The following FBN1 variants were observed in gnomAD, a reference collection of about 807,000 sequenced individuals.
The protein encoded by FBN1 is fibrillin 1, also known as fibrillin-1.
A neutral mutation model predicts 365.1 loss-of-function variants in FBN1; 29 were observed. The ratio of observed to expected loss-of-function variants is 0.08; its 90% CI spans 0.06 to 0.11. FBN1 has a LOEUF of 0.11. Among genes scored for constraint, FBN1 ranks in the 10% least tolerant of loss-of-function variants. The pLI, the probability that FBN1 is intolerant of heterozygous loss-of-function variation, is 1.00. For missense variants in FBN1, 2,476 were observed against 3,703.2 expected, an observed-to-expected ratio of 0.67 and a Z score of 8.60; for synonymous variants, 1,210 against 1,270.5, an observed-to-expected ratio of 0.95 and a Z score of 1.01.
Position 48,428,373 on chromosome 15 carries a change from C to T in FBN1, c.6970G>A (p.Ala2324Thr), listed in dbSNP as rs148831709. ...YTCECNDGFT[A>T]SPNQDECLDN... ...AGGCACTCGTCCTGGTTGGGGCTGG[C>T]GGTAAACCCATCATTACACTCACAG... The change falls in exon 57 of 66, where the codon GCC becomes ACC. Residue 2324 changes from alanine (A) to threonine (T), a missense_variant. By Grantham distance (58) the Ala-to-Thr change is moderately conservative. This residue lies in a region of FBN1 where 1,780 missense variants were observed against 2,840.8 expected (regional missense o/e 0.63). Transcript: ENST00000316623. 3.1e-6 allele frequency: 5 copies of T among 1,614,086 alleles called. No homozygotes were observed. Among genetic ancestry groups the T allele is most frequent in the African/African-American group, 2.7e-5 (2 of 75,032 alleles).
rs766502715 is a variant in FBN1, at chr15:48,412,510, G to T, written c.8226+59C>A. ...TGGAGCATCCTTGGAGGAAACCACAGGAATCTGGAAGGGCTTTCCACCACA... is the reference window on the plus strand; with the variant it reads ...TGGAGCATCCTTGGAGGAAACCACATGAATCTGGAAGGGCTTTCCACCACA... On this transcript the variant is annotated intron_variant, in intron 65 of 65. Transcript: ENST00000316623. 3.8e-6 allele frequency: 6 copies of T among 1,579,160 alleles called. No individual in the cohort carries two copies. In the Admixed American group the frequency reaches 5.0e-5, roughly 13 times the overall value.
chr15:48,508,507 A>T (rs2043729858), intron 15 of FBN1, 75 bp downstream of exon 15: 1 of 1,596,254 alleles, frequency 6.3e-7, no homozygotes, highest in Admixed American at 1.7e-5. Context: ...CAGTAAAGAA[A>T]GGTAGTACCT....
intron 46 of FBN1, among the ~76,000 whole-genome samples, chr15:48,447,372 T>C (rs1187315965): frequency 6.6e-6 from 1 of 152,200 alleles, no homozygotes; most frequent in Non-Finnish European, 1.5e-5. Flanking sequence ...CCACCAATGA[T>C]GACTTCTCTC....
chr15:48,480,140 T>C (rs1464535803), intron 32 of FBN1, among the ~76,000 whole-genome samples: 2 of 152,196 alleles, frequency 1.3e-5, no homozygotes, highest in Non-Finnish European at 2.9e-5. Flanking sequence ...ATTTGGAGCA[T>C]TGAATTCTAG....
intron 8 of FBN1, among the ~76,000 whole-genome samples, chr15:48,527,473 G>A (rs529918894): frequency 3.8e-4 from 58 of 152,318 alleles, no homozygotes; most frequent in Non-Finnish European, 5.0e-4. Context: ...CTGACCTTGG[G>A]AAAGGAGACA....
At position 48,409,581 on chromosome 15, in the gene FBN1, A is replaced by G. The variant is rs561772776; in HGVS notation, c.*1409T>C. The G allele has an allele frequency of 6.6e-6, 1 of 152,282 alleles. No homozygotes were observed. Among genetic ancestry groups the G allele is most frequent in the African/African-American group, 2.4e-5 (1 of 41,550 alleles). The allele number at this position is 152,282 out of a possible 1,614,324, so 9.4% of individuals were successfully genotyped here. Reference sequence around the variant, plus strand: ...ACTTTAAAAATTATGACATTAAGAAACCAAAAGTTACAGCAATTGGATACA... The same window carrying G: ...ACTTTAAAAATTATGACATTAAGAAGCCAAAAGTTACAGCAATTGGATACA... On this transcript the variant is annotated 3_prime_UTR_variant, in exon 66 of 66. Coordinates refer to ENST00000316623, the MANE Select transcript of FBN1 (RefSeq NM_000138.5).
chr15:48,530,954 T>C (rs1247151258), intron 8 of FBN1, among the ~76,000 whole-genome samples: 1 of 152,212 alleles, frequency 6.6e-6, no homozygotes, highest in Admixed American at 6.5e-5. Flanking sequence ...TAAAACTTAA[T>C]CCCTTAATTA....
At chr15:48,624,862 C>T (rs140907552) in intron 2 of FBN1, among the ~76,000 whole-genome samples, 264 of 152,338 alleles carry the variant, frequency 1.7e-3, no homozygotes, top group African/African-American at 6.1e-3. Flanking sequence ...GAGGCGGAGC[C>T]GGGGGTGGAG....
chr15:48,447,590 A>G (rs542790715), intron 46 of FBN1, among the ~76,000 whole-genome samples: 27 of 152,180 alleles, frequency 1.8e-4, no homozygotes, highest in Admixed American at 1.3e-4. Flanking sequence ...AGGAAGTAAT[A>G]AAAAATTTAA....
At chr15:48,484,632 C>G (rs898993018) in intron 30 of FBN1, among the ~76,000 whole-genome samples, 2 of 152,140 alleles carry the variant, frequency 1.3e-5, no homozygotes, top group African/African-American at 4.8e-5. Flanking sequence ...CAGCCTCCCA[C>G]AGTGCTGGGA....
At chr15:48,494,294 G>C in intron 22 of FBN1, 40 bp from the exon 23 acceptor site, 1 of 1,507,756 alleles carries the variant, frequency 6.6e-7, no homozygotes, top group Non-Finnish European at 9.2e-7. Flanking sequence ...AAACAAATTT[G>C]AGATAACAAT....
chr15:48,582,587 G>A (rs1342791431), intron 6 of FBN1, among the ~76,000 whole-genome samples: 4 of 152,154 alleles, frequency 2.6e-5, no homozygotes, highest in Non-Finnish European at 4.4e-5. Context: ...TGGTGGCCAC[G>A]ACTTGTCCAA....
At chr15:48,477,932 A>G (rs1475119883) in intron 32 of FBN1, among the ~76,000 whole-genome samples, 2 of 152,204 alleles carry the variant, frequency 1.3e-5, no homozygotes, top group African/African-American at 4.8e-5. Context: ...CCCTGCTCAC[A>G]GGCTCTGGGT....
chr15:48,610,813 A>C lies in FBN1; in HGVS notation c.261T>G (p.His87Gln). The change falls in exon 4 of 66, where the codon CAT (histidine) becomes CAG (glutamine). Residue 87 changes from histidine to glutamine, a missense_variant. His to Gln is a conservative substitution (Grantham distance 24, BLOSUM62 0). Coordinates refer to ENST00000316623, the MANE Select transcript of FBN1 (RefSeq NM_000138.5). ...TCGAACAAAATCCATCCCCACAGGA[A>C]TGCCGGCAAATGGCTGTGAATAAAC... ...GNQCIVPICR[H>Q]SCGDGFCSRP... 1 of 1,613,920 alleles carries C rather than the reference A, an allele frequency of 6.2e-7. No individual in the cohort carries two copies.
chr15:48,490,164 G>T, intron 24 of FBN1, 86 bp from the exon 25 acceptor site: 1 of 1,106,736 alleles, frequency 9.0e-7, no homozygotes, highest in South Asian at 1.3e-5. Flanking sequence ...GTAAAATACT[G>T]CACACATAAT....
intron 6 of FBN1, among the ~76,000 whole-genome samples, chr15:48,579,022 AAAAAAG>A (rs2044371232): frequency 6.9e-6 from 1 of 144,096 alleles, no homozygotes; most frequent in African/African-American, 2.9e-5. Flanking sequence ...AAATAAAAAT[AAAAAAG>A]GGGAAAAAAA....
chr15:48,627,381 T>A, intron 2 of FBN1, among the ~76,000 whole-genome samples: 1 of 152,208 alleles, frequency 6.6e-6, no homozygotes, highest in Non-Finnish European at 1.5e-5. Context: ...GTAAAAACAT[T>A]AGTCAGCTCT....
At chr15:48,418,683 G>C (rs1297851404) in intron 63 of FBN1, among the ~76,000 whole-genome samples, 1 of 152,130 alleles carries the variant, frequency 6.6e-6, no homozygotes, top group Non-Finnish European at 1.5e-5. Context: ...TTGGTACTTA[G>C]ATTGGTGAGG....
chr15:48,441,948 ACT>A lies in FBN1; in HGVS notation c.6038-104_6038-103del. On this transcript the variant is annotated intron_variant, in intron 49 of 65. Transcript: ENST00000316623. ...ACACAAAGGGCAACTGAGTTTCCAA[ACT>A]CTTACAATAATAAAGGTATTTTTCT... 3 of 1,235,864 alleles carry A rather than the reference ACT, an allele frequency of 2.4e-6. No individual in the cohort carries two copies. The South Asian group carries it at 3.6e-5, about 15-fold the overall frequency. The allele number at this position is 1,235,864 out of a possible 1,614,324, so 76.6% of individuals were successfully genotyped here.
Sources: allele counts gnomAD v4.1 joint callset (sites outside exome capture counted in the v4.1 genomes callset), GRCh38; gene constraint gnomAD v4.1.1; regional missense constraint gnomAD v4.1.1; transcripts MANE v1.5; gene names NCBI Gene and HGNC (gene_info 2026-07-23, HGNC 2026-07-21).